The following SDK1 variants were observed in gnomAD, a reference collection of about 807,000 sequenced individuals.
SDK1 encodes sidekick cell adhesion molecule 1.
In SDK1, 157 loss-of-function variants were observed where a neutral mutation model predicts 245.5. The observed-to-expected ratio is 0.64, with a 90% CI of 0.56 to 0.73. The LOEUF is 0.73. Ranked by LOEUF, SDK1 falls within the 30% of genes least tolerant of loss-of-function variation. The pLI is 0.00. For missense variants in SDK1, 3,583 were observed against 3,002.3 expected, an observed-to-expected ratio of 1.19 and a Z score of -4.52; for synonymous variants, 1,647 against 1,278.5, an observed-to-expected ratio of 1.29 and a Z score of -6.15.
intron 4 of SDK1, among the ~76,000 whole-genome samples, chr7:3,814,909 CTGTT>C (rs1273779111): frequency 2.0e-5 from 3 of 152,110 alleles, no homozygotes; most frequent in Non-Finnish European, 4.4e-5. Context: ...ATTTGGCTCT[CTGTT>C]TGTATGTTGT....
chr7:4,116,947 G>C (rs1399963657), intron 25 of SDK1, among the ~76,000 whole-genome samples: 1 of 152,196 alleles, frequency 6.6e-6, no homozygotes, highest in Non-Finnish European at 1.5e-5. Flanking sequence ...ACGTTCCAAA[G>C]GAAAGGTGGA....
chr7:4,267,982 C>T lies in SDK1; in HGVS notation c.*2598C>T. ...GCATTTGAGAAGCAACAGTTCCTAA[C>T]TCCTTATCTTCAGGGAAGGAAAAGA... On this transcript the variant is annotated 3_prime_UTR_variant, in exon 45 of 45. Coordinates refer to ENST00000404826, the MANE Select transcript of SDK1 (RefSeq NM_152744.4). 1 of 985,528 alleles carries T rather than the reference C, an allele frequency of 1.0e-6. No individual in the cohort carries two copies. The highest frequency in any genetic ancestry group is 1.2e-6 in the Non-Finnish European group (1 of 830,000). The allele number at this position is 985,528 out of a possible 1,614,324, so 61.0% of individuals were successfully genotyped here. A position where few individuals can be genotyped will look rare whatever the true frequency, so the allele number is the denominator to read the frequency against.
chr7:3,435,711 T>C (rs1489637475), intron 1 of SDK1, among the ~76,000 whole-genome samples: 1 of 151,986 alleles, frequency 6.6e-6, no homozygotes, highest in African/African-American at 2.4e-5. Flanking sequence ...CTATCCTACT[T>C]TACATGCCCC....
chr7:4,234,157 CG>C (rs1785994191), intron 41 of SDK1, among the ~76,000 whole-genome samples: 1 of 152,146 alleles, frequency 6.6e-6, no homozygotes, highest in Non-Finnish European at 1.5e-5. Context: ...GCGGAGGGGC[CG>C]GGGATAGTAG....
chr7:3,974,179 G>C (rs1782705167), intron 12 of SDK1, among the ~76,000 whole-genome samples, 190 bp from the exon 13 acceptor site: 1 of 86,080 alleles, frequency 1.2e-5, no homozygotes, highest in Non-Finnish European at 2.1e-5. Flanking sequence ...GCAAGACTCT[G>C]TCTCAAAAAA....
At chr7:3,546,428 T>A (rs115938663) in intron 1 of SDK1, among the ~76,000 whole-genome samples, 2,345 of 152,316 alleles carry the variant, frequency 0.015, 67 homozygotes, top group African/African-American at 0.054. Flanking sequence ...TAAAGCCGTT[T>A]TTAAAAAAAT....
chr7:3,654,435 A>G (rs1783100887), intron 4 of SDK1, among the ~76,000 whole-genome samples: 1 of 152,118 alleles, frequency 6.6e-6, no homozygotes, highest in Non-Finnish European at 1.5e-5. Flanking sequence ...GTGGACTCCG[A>G]TGCTTGTGAG....
Position 4,129,994 on chromosome 7 carries a change from C to T in SDK1, c.4026C>T (p.Gly1342=). The change falls in exon 27 of 45, where the codon GGC becomes GGT. Residue 1342 remains glycine, a synonymous_variant. Transcript: ENST00000404826. ...GNHTQSALLA[G]LRKFVLYELQ... ...ACACGCAGTCGGCCCTGCTGGCAGGCCTGCGCAAGTTCGTGCTCTACGAGC... is the reference window on the plus strand; with the variant it reads ...ACACGCAGTCGGCCCTGCTGGCAGGTCTGCGCAAGTTCGTGCTCTACGAGC... 6.2e-7 allele frequency: 1 copy of T among 1,613,726 alleles called. No homozygotes were observed. Among genetic ancestry groups the T allele is most frequent in the Non-Finnish European group, 8.5e-7 (1 of 1,179,978 alleles).
intron 22 of SDK1, among the ~76,000 whole-genome samples, chr7:4,096,130 A>G (rs1056728916): frequency 2.0e-5 from 3 of 152,188 alleles, no homozygotes; most frequent in Admixed American, 6.5e-5. Context: ...TCAAAAGTCC[A>G]CAGTGTTTAT....
intron 28 of SDK1, 130 bp downstream of exon 28, chr7:4,132,553 C>G: frequency 1.6e-6 from 1 of 623,782 alleles, no homozygotes; most frequent in East Asian, 2.9e-5. Context: ...GAGACCCCAT[C>G]TCTCCAAAGA....
chr7:3,470,129 C>CAGGA (rs1044013196), intron 1 of SDK1, among the ~76,000 whole-genome samples: 2 of 152,152 alleles, frequency 1.3e-5, no homozygotes, highest in Non-Finnish European at 2.9e-5. Context: ...CTTAGCATCA[C>CAGGA]AGGAAGAATT....
At chr7:4,258,198 T>C (rs1003091120) in intron 44 of SDK1, among the ~76,000 whole-genome samples, 3 of 152,190 alleles carry the variant, frequency 2.0e-5, no homozygotes, top group African/African-American at 7.2e-5. Flanking sequence ...GTGTGGGCCA[T>C]GTGCTACACT....
chr7:3,991,256 G>A (rs749758978), intron 14 of SDK1, among the ~76,000 whole-genome samples: 4 of 152,140 alleles, frequency 2.6e-5, no homozygotes, highest in East Asian at 1.9e-4. Flanking sequence ...ACAACTGCCC[G>A]TGAGATGGGG....
chr7:3,587,866 T>G (rs1780741841), intron 1 of SDK1, among the ~76,000 whole-genome samples: 1 of 152,230 alleles, frequency 6.6e-6, no homozygotes, highest in South Asian at 2.1e-4. Flanking sequence ...GGGCCAGATC[T>G]TCTCCTGTGT....
chr7:3,884,274 G>T lies in SDK1; in HGVS notation c.847+62691G>T, dbSNP rs540677941. Among the ~76,000 whole-genome samples the T allele has an allele frequency of 2.0e-5, 3 of 152,108 alleles. No homozygotes were observed. The East Asian group carries it at 5.8e-4, about 29-fold the overall frequency. ...TTTCTTTCCTTGTAGCTTTTTGATG[G>T]CTGTGCATTATTTCATGTCCCACTA... On this transcript the variant is annotated intron_variant, in intron 5 of 44. Transcript: ENST00000404826.
At chr7:4,246,159 C>T (rs1026055466) in intron 44 of SDK1, among the ~76,000 whole-genome samples, 1 of 152,168 alleles carries the variant, frequency 6.6e-6, no homozygotes. Flanking sequence ...GCGCAGGTTC[C>T]GACTCCTAAG....
intron 14 of SDK1, among the ~76,000 whole-genome samples, chr7:3,998,994 G>T (rs1784877132): frequency 6.6e-6 from 1 of 152,090 alleles, no homozygotes; most frequent in Non-Finnish European, 1.5e-5. Flanking sequence ...CCATCTCTTT[G>T]CATTCTTCTC....
intron 22 of SDK1, among the ~76,000 whole-genome samples, chr7:4,087,282 AT>A (rs1189712330): frequency 3.3e-5 from 5 of 151,866 alleles, no homozygotes; most frequent in Admixed American, 6.6e-5. Context: ...TAAAATGACC[AT>A]TTTTTTTCCT....
At chr7:4,239,656 C>G (rs1056122600) in intron 42 of SDK1, among the ~76,000 whole-genome samples, 1 of 152,180 alleles carries the variant, frequency 6.6e-6, no homozygotes, top group African/African-American at 2.4e-5. Context: ...GAGCCACGCA[C>G]GGCGCCCGGC....
Sources: gnomAD v4.1 joint callset for allele counts (sites outside exome capture counted in the v4.1 genomes callset) on GRCh38, gnomAD v4.1.1 for gene constraint, MANE v1.5 for transcripts, NCBI Gene and HGNC (gene_info 2026-07-23, HGNC 2026-07-21) for gene names.